SGSH: variants seen among roughly 807,000 people sequenced by gnomAD.
SGSH encodes N-sulfoglucosamine sulfohydrolase.
A neutral mutation model predicts 51.0 loss-of-function variants in SGSH; 48 were observed. That is an observed-to-expected ratio of 0.94 (90% CI 0.75 to 1.20). SGSH has a LOEUF of 1.20. Ranked by LOEUF, SGSH falls within the 50% of genes most tolerant of loss-of-function variation. The pLI is 0.00. For missense variants in SGSH, 662 were observed against 717.8 expected (o/e 0.92, Z 0.89); for synonymous variants, 321 against 313.4 (o/e 1.02, Z -0.26).
Position 80,215,084 on chromosome 17 carries a change from C to T in SGSH, c.304G>A (p.Asp102Asn), listed in dbSNP as rs781207515. Residue 102 changes from aspartate to asparagine, a missense_variant, in exon 3 of 8, where the codon GAC (aspartate) becomes AAC (asparagine). Transcript: ENST00000326317. Reference sequence around the variant, plus strand: ...AGCAGCGGCAGGCTCCGCACCTTGTCGAAGGAGTTGAAGTGGTGCACGTCC... The same window carrying T: ...AGCAGCGGCAGGCTCCGCACCTTGTTGAAGGAGTTGAAGTGGTGCACGTCC... ...HQDVHHFNSF[D>N]KVRSLPLLLS... 9 of 1,612,268 alleles carry T rather than the reference C, an allele frequency of 5.6e-6. No homozygotes were observed. The highest frequency in any genetic ancestry group is 4.0e-5 in the African/African-American group (3 of 74,932).
At position 80,212,295 on chromosome 17, in the gene SGSH, G is replaced by A; in HGVS notation, c.746-21C>T. On this transcript the variant is annotated intron_variant, in intron 6 of 7. Coordinates refer to ENST00000326317, the MANE Select transcript of SGSH (RefSeq NM_000199.5). The surrounding 1 kb of genome is among the most constrained non-coding windows in gnomAD (Gnocchi z 5.9). The stretch of plus-strand genomic sequence containing the variant: ...AACTCCTGTGGTGAGGGGCCGAGAA[G>A]CAGAGCTCAGCCGCAGACACGGAGG... 2 of 1,583,720 alleles carry A rather than the reference G, an allele frequency of 1.3e-6. No homozygotes were observed. Among genetic ancestry groups the A allele is most frequent in the African/African-American group, 1.3e-5 (1 of 74,310 alleles).
chr17:80,216,884 C>CAT, intron 2 of SGSH, 148 bp downstream of exon 2: 4 of 774,092 alleles, frequency 5.2e-6, no homozygotes, highest in Non-Finnish European at 8.3e-6. Context: ...CACTCACAGC[C>CAT]ATAGGCTGTG....
downstream of SGSH, chr17:80,204,271 G>A: frequency 1.2e-6 from 2 of 1,601,624 alleles, no homozygotes; most frequent in Non-Finnish European, 1.7e-6. Context: ...TCGTCAGTAT[G>A]GACAAAGCCA....
rs886053553 is a variant in SGSH at position 80,209,444 on chromosome 17, G to A, written c.*1008C>T. On this transcript the variant is annotated 3_prime_UTR_variant, in exon 8 of 8. Transcript: ENST00000326317. ...CTCTCCTTCGAGGGGTGTCCAGGCC[G>A]AGGGGTGTCCAGGCCGGGCTTCTGC... 8.1e-6 allele frequency: 8 copies of A among 985,678 alleles called. No individual in the cohort carries two copies. The highest frequency in any genetic ancestry group is 2.3e-4 in the East Asian group (2 of 8,816). The allele number at this position is 985,678 out of a possible 1,614,324, so 61.1% of individuals were successfully genotyped here.
intron 1 of SGSH, among the ~76,000 whole-genome samples, chr17:80,219,519 G>A (rs560184728): frequency 6.6e-6 from 1 of 152,224 alleles, no homozygotes; most frequent in Non-Finnish European, 1.5e-5. Context: ...GAGTTGGCAG[G>A]AGAGCTGTTT....
At chr17:80,201,942 C>A, downstream of SGSH, 1 of 1,512,362 alleles carries the variant, frequency 6.6e-7, no homozygotes, top group South Asian at 1.3e-5. The surrounding 1 kb of genome is among the most constrained non-coding windows in gnomAD (Gnocchi z 5.0). Context: ...CCTGGTGGTT[C>A]TTCTGCACGC....
chr17:80,204,469 A>G (rs1391370913), downstream of SGSH: 1 of 894,116 alleles, frequency 1.1e-6, no homozygotes, highest in Non-Finnish European at 1.7e-6. Flanking sequence ...GGTCTTCAAG[A>G]ATCATGGGGC....
At chr17:80,215,165 G>C in intron 2 of SGSH, 27 bp from the exon 3 acceptor site, 7 of 1,569,424 alleles carry the variant, frequency 4.5e-6, no homozygotes, top group Non-Finnish European at 5.2e-6. Context: ...ATGAGGTCCG[G>C]GGCCCCCGGA....
Position 80,214,196 on chromosome 17 carries a change from C to G in SGSH, c.639G>C (p.Gln213His), listed in dbSNP as rs2041795382. ...GMGRIPDWTP[Q>H]AYDPLDVLVP... The stretch of plus-strand genomic sequence containing the variant: ...CCAGCACGTCCAGTGGGTCGTAGGC[C>G]TGGGGGGTCCAGTCTGGGATACGAC... The change falls in exon 5 of 8, where the codon CAG (glutamine) becomes CAC (histidine). Residue 213 changes from glutamine to histidine, a missense_variant. Physicochemically the swap from Gln to His is conservative, Grantham distance 24. Transcript: ENST00000326317. The G allele has an allele frequency of 6.2e-7, 1 of 1,611,662 alleles. No homozygotes were observed. Among genetic ancestry groups the G allele is most frequent in the South Asian group, 1.1e-5 (1 of 90,722 alleles).
At chr17:80,202,524 C>T (rs1351988361), downstream of SGSH, 42 of 1,508,098 alleles carry the variant, frequency 2.8e-5, no homozygotes, top group South Asian at 4.1e-4. Context: ...AGAGGGTGGG[C>T]GTGGTGAGAC....
chr17:80,215,125 A>C lies in SGSH; in HGVS notation c.263T>G (p.Met88Arg). ...GTGCACGTCCTGGTGCAGCCCGTACATCCCATTCTGATGCTGCCAGCAAAG... is the reference window on the plus strand; with the variant it reads ...GTGCACGTCCTGGTGCAGCCCGTACCTCCCATTCTGATGCTGCCAGCAAAG... ...LTGLPQHQNGMYGLHQDVHHF... is the reference protein window; with the variant it reads ...LTGLPQHQNGRYGLHQDVHHF... The change falls in exon 3 of 8, where the codon ATG (methionine) becomes AGG (arginine). Residue 88 changes from methionine (M) to arginine (R), a missense_variant. Transcript: ENST00000326317. 1 of 1,611,368 alleles carries C rather than the reference A, an allele frequency of 6.2e-7. No individual in the cohort carries two copies. Among genetic ancestry groups the C allele is most frequent in the Non-Finnish European group, 8.5e-7 (1 of 1,179,852 alleles).
rs745741593 is a variant in SGSH at position 80,211,958 on chromosome 17, AGAT to A, written c.949+110_949+112del. 1.2e-4 allele frequency: 104 copies of A among 859,414 alleles called. 1 individual carries two copies. The South Asian group carries it at 1.5e-3, about 12-fold the overall frequency. 53.2% of individuals were successfully genotyped at this position (859,414 alleles called of 1,614,324 possible). Reference sequence around the variant, plus strand: ...GGGAGTGACAGTCCCTTCCTCACCCAGATGATATGAGAGCCACATTAGGTAATG... The same window carrying A: ...GGGAGTGACAGTCCCTTCCTCACCCAGATATGAGAGCCACATTAGGTAATG... On this transcript the variant is annotated intron_variant, in intron 7 of 7. Transcript: ENST00000326317.
intron 1 of SGSH, 72 bp downstream of exon 1, chr17:80,220,154 G>C: frequency 8.8e-7 from 1 of 1,131,216 alleles, no homozygotes; most frequent in Non-Finnish European, 1.2e-6. Context: ...TTGACCACGG[G>C]TGGGGAGGAG....
chr17:80,215,387 T>C (rs980805744), intron 2 of SGSH, among the ~76,000 whole-genome samples: 2 of 152,238 alleles, frequency 1.3e-5, no homozygotes, highest in African/African-American at 4.8e-5. Flanking sequence ...GACACGAGGG[T>C]GGCCTTGATG....
downstream of SGSH, chr17:80,201,924 C>G (rs552487706): frequency 6.4e-7 from 1 of 1,551,496 alleles, no homozygotes; most frequent in Non-Finnish European, 8.7e-7. This position sits in a 1 kb window ranked among gnomAD's most constrained non-coding sequence, Gnocchi z 5.0. Flanking sequence ...CTCCATGACC[C>G]TTAAGTCCCT....
chr17:80,205,420 G>A (rs2041243585), downstream of SGSH: 10 of 1,427,756 alleles, frequency 7.0e-6, no homozygotes, highest in Admixed American at 4.2e-5. Context: ...ATCCTAAGAA[G>A]AGCTTCTCCC....
downstream of SGSH, chr17:80,208,040 T>G: frequency 1.1e-6 from 1 of 898,564 alleles, no homozygotes; most frequent in African/African-American, 1.7e-5. Context: ...GCCACCTGTG[T>G]TTAGGGGTGT....
At chr17:80,220,185 G>C (rs1168367619) in intron 1 of SGSH, 41 bp downstream of exon 1, 5 of 1,451,064 alleles carry the variant, frequency 3.4e-6, no homozygotes, top group Non-Finnish European at 4.6e-6. Flanking sequence ...ACTTCCCCGG[G>C]CCACCGCAGG....
In SGSH at chr17:80,213,520, T is replaced by C; in HGVS notation, c.745+284A>G. 2 of 537,246 alleles carry C rather than the reference T, an allele frequency of 3.7e-6. No homozygotes were observed. The highest frequency in any genetic ancestry group is 6.7e-6 in the Non-Finnish European group (2 of 299,916). 33.3% of individuals were successfully genotyped at this position (537,246 alleles called of 1,614,324 possible). ...TGCTAAGGAACTCCAAACCCCCAAA[T>C]CTGACCCAGGTCCTGTGACTGGAAA... On this transcript the variant is annotated intron_variant, in intron 6 of 7. Coordinates refer to ENST00000326317, the MANE Select transcript of SGSH (RefSeq NM_000199.5). The surrounding 1 kb of genome is among the most constrained non-coding windows in gnomAD (Gnocchi z 4.6).
Sources: gnomAD v4.1 joint callset for allele counts (sites outside exome capture counted in the v4.1 genomes callset) on GRCh38, gnomAD v4.1.1 for gene constraint, Gnocchi (gnomAD v3.1) non-coding constraint, MANE v1.5 for transcripts, NCBI Gene and HGNC (gene_info 2026-07-23, HGNC 2026-07-21) for gene names.